P2RY12: variants seen among roughly 807,000 people sequenced by gnomAD.
P2RY12 encodes the protein purinergic receptor P2Y12.
In P2RY12, 3 loss-of-function variants were observed where a neutral mutation model predicts 4.5. The ratio of observed to expected loss-of-function variants is 0.67; its 90% CI spans 0.31 to 1.74. The LOEUF (loss-of-function observed/expected upper bound fraction) is 1.74, where lower values mean the gene tolerates loss of function less well. P2RY12 is among the 40% of genes most tolerant of loss of function. The probability of loss-of-function intolerance (pLI) is 0.09; values close to 1 mark genes in which losing one functional copy is unlikely to be tolerated. For missense variants in P2RY12, 356 were observed against 407.8 expected, an observed-to-expected ratio of 0.87 and a Z score of 1.09; for synonymous variants, 148 against 154.1, an observed-to-expected ratio of 0.96 and a Z score of 0.29.
At chr3:151,381,446 A>G (rs760574772) in intron 1 of P2RY12, among the ~76,000 whole-genome samples, 2 of 152,172 alleles carry the variant, frequency 1.3e-5, no homozygotes, top group Non-Finnish European at 2.9e-5. Context: ...GTCTCCTACC[A>G]GTCATGGCCC....
chr3:151,367,865 G>A, intron 1 of P2RY12: 1 of 1,367,000 alleles, frequency 7.3e-7, no homozygotes, highest in Non-Finnish European at 1.0e-6. Context: ...TTGAGGGTAT[G>A]TATATTGGGA....
At chr3:151,357,324 T>C in intron 1 of P2RY12, 1 of 1,613,812 alleles carries the variant, frequency 6.2e-7, no homozygotes, top group Non-Finnish European at 8.5e-7. Context: ...TCTCAGGCGC[T>C]ATCACAGTTG....
chr3:151,371,310 A>G lies in P2RY12; in HGVS notation c.-180+13382T>C, dbSNP rs150605932. Among the ~76,000 whole-genome samples the G allele has an allele frequency of 1.4e-4, 22 of 152,304 alleles. No homozygotes were observed. The East Asian group carries it at 4.1e-3, about 28-fold the overall frequency. The stretch of plus-strand genomic sequence containing the variant: ...TAATTTCTACAATGTAACTCAAGGT[A>G]TAGAGGTAGTTGTTTACATCACCTA... On this transcript the variant is annotated intron_variant, in intron 1 of 2. Coordinates refer to ENST00000302632, the MANE Select transcript of P2RY12 (RefSeq NM_022788.5).
rs760938181 is a variant in P2RY12, at chr3:151,367,625, C to T, written c.-180+17067G>A. 36 of 1,591,628 alleles carry T rather than the reference C, an allele frequency of 2.3e-5. No individual in the cohort carries two copies. In the East Asian group the frequency reaches 4.3e-4, roughly 19 times the overall value. On this transcript the variant is annotated intron_variant, in intron 1 of 2. Transcript: ENST00000302632. ...TTACAAGGTTGTTAGGTATTAAAAC[C>T]TGTCAATGTTTTTCTTGAAGGTGAG...
intron 1 of P2RY12, among the ~76,000 whole-genome samples, chr3:151,367,106 C>T (rs1234689118): frequency 3.2e-5 from 2 of 62,078 alleles, no homozygotes; most frequent in Admixed American, 1.6e-4. Flanking sequence ...GAATTAATTT[C>T]CCCCTCTGTC....
intron 1 of P2RY12, among the ~76,000 whole-genome samples, chr3:151,367,467 T>G (rs1755425731): frequency 6.6e-6 from 1 of 152,240 alleles, no homozygotes; most frequent in African/African-American, 2.4e-5. Context: ...TCATTCATTG[T>G]TTTATAAAAT....
At chr3:151,377,315 A>G in intron 1 of P2RY12, 1 of 690,302 alleles carries the variant, frequency 1.4e-6, no homozygotes, top group Non-Finnish European at 2.4e-6. Flanking sequence ...ATTATTATTA[A>G]TAAGTTAATG....
intron 1 of P2RY12, among the ~76,000 whole-genome samples, chr3:151,369,943 A>G (rs896558760): frequency 2.0e-5 from 3 of 152,152 alleles, no homozygotes; most frequent in Non-Finnish European, 4.4e-5. Context: ...CAGGAGCAGA[A>G]CACCAGAAAA....
intron 1 of P2RY12, among the ~76,000 whole-genome samples, chr3:151,341,731 C>T (rs1751854428): frequency 6.6e-6 from 1 of 151,668 alleles, no homozygotes; most frequent in Non-Finnish European, 1.5e-5. Context: ...TCCCCCATCC[C>T]CCCACCCCAC....
intron 1 of P2RY12, chr3:151,376,912 T>G (rs769500407): frequency 6.2e-7 from 1 of 1,612,356 alleles, no homozygotes; most frequent in Non-Finnish European, 8.5e-7. Context: ...GTATGAAATT[T>G]TATAAAAAGC....
At chr3:151,357,281 T>C (rs1754048565) in intron 1 of P2RY12, 2 of 1,613,604 alleles carry the variant, frequency 1.2e-6, no homozygotes, top group Non-Finnish European at 1.7e-6. Context: ...CAGGAAGTTA[T>C]ACAACAGGAC....
chr3:151,344,106 G>A (rs541504233), intron 1 of P2RY12, among the ~76,000 whole-genome samples: 2 of 152,042 alleles, frequency 1.3e-5, no homozygotes, highest in South Asian at 2.1e-4. Flanking sequence ...AATGAATGCC[G>A]TCTTTTGTGA....
chr3:151,382,841 A>G, intron 1 of P2RY12: 1 of 907,888 alleles, frequency 1.1e-6, no homozygotes, highest in Admixed American at 2.4e-5. Flanking sequence ...AGTCTGCATT[A>G]CAAGGTGAGG....
At chr3:151,374,423 CT>C (rs1756573373) in intron 1 of P2RY12, among the ~76,000 whole-genome samples, 1 of 152,176 alleles carries the variant, frequency 6.6e-6, no homozygotes, top group Admixed American at 6.5e-5. Context: ...TGGCACATGC[CT>C]GTCATCCCAG....
At chr3:151,346,839 C>T (rs1752607263) in intron 1 of P2RY12, among the ~76,000 whole-genome samples, 1 of 152,068 alleles carries the variant, frequency 6.6e-6, no homozygotes, top group Non-Finnish European at 1.5e-5. Context: ...AATTACTGGA[C>T]ATTTACACAT....
chr3:151,348,340 C>CAAAAA (rs11382065), intron 1 of P2RY12, among the ~76,000 whole-genome samples: 51 of 87,802 alleles, frequency 5.8e-4, no homozygotes, highest in African/African-American at 1.8e-3. Flanking sequence ...ACCACCAGAC[C>CAAAAA]AAAAAAAAAA....
At chr3:151,355,900 C>A in intron 1 of P2RY12, 1 of 1,608,206 alleles carries the variant, frequency 6.2e-7, no homozygotes, top group Non-Finnish European at 8.5e-7. Flanking sequence ...GCACAGATTT[C>A]TAACAATGTG....
chr3:151,352,781 G>A (rs1175794579), intron 1 of P2RY12, among the ~76,000 whole-genome samples: 4 of 152,004 alleles, frequency 2.6e-5, no homozygotes, highest in Non-Finnish European at 4.4e-5. Flanking sequence ...GGTTGTCAAT[G>A]GTGTATCTTT....
At chr3:151,355,879 T>C in intron 1 of P2RY12, 1 of 1,594,388 alleles carries the variant, frequency 6.3e-7, no homozygotes, top group Non-Finnish European at 8.5e-7. Flanking sequence ...ACAATATTTT[T>C]GTTTTTATTT....
Sources: gnomAD v4.1 joint callset for allele counts (sites outside exome capture counted in the v4.1 genomes callset) on GRCh38, gnomAD v4.1.1 for gene constraint, MANE v1.5 for transcripts, NCBI Gene and HGNC (gene_info 2026-07-23, HGNC 2026-07-21) for gene names.